Variants in ERBB4 observed in about 807,000 individuals in gnomAD.
ERBB4 encodes erb-b2 receptor tyrosine kinase 4.
A neutral mutation model predicts 158.0 loss-of-function variants in ERBB4; 42 were observed. That is an observed-to-expected ratio of 0.27 (90% CI 0.21 to 0.34). The LOEUF (loss-of-function observed/expected upper bound fraction) is 0.34, where lower values mean the gene tolerates loss of function less well. Ranked by LOEUF, ERBB4 falls within the 10% of genes least tolerant of loss-of-function variation. ERBB4 has a pLI of 1.00. For synonymous variants in ERBB4, 583 were observed against 558.7 expected (o/e 1.04, Z -0.61); for missense variants, 1,333 against 1,624.1 (o/e 0.82, Z 3.08).
Position 212,513,881 on chromosome 2 carries a change from C to A in ERBB4, c.82+24568G>T, listed in dbSNP as rs369004821. ...CAAAGACCATACAACTAGCAAGTCCCAAATCTGAAACTTGAACTCAGGTTT... is the reference window on the plus strand; with the variant it reads ...CAAAGACCATACAACTAGCAAGTCCAAAATCTGAAACTTGAACTCAGGTTT... On this transcript the variant is annotated intron_variant, in intron 1 of 27. Transcript: ENST00000342788. Among the ~76,000 whole-genome samples, 6 of 152,192 alleles carry A rather than the reference C, an allele frequency of 3.9e-5. No homozygotes were observed. The South Asian group carries it at 6.2e-4, about 16-fold the overall frequency.
At chr2:211,824,029 C>T (rs962704797) in intron 3 of ERBB4, among the ~76,000 whole-genome samples, 6 of 152,014 alleles carry the variant, frequency 3.9e-5, no homozygotes, top group Admixed American at 3.9e-4. Context: ...TTAGGCTCCC[C>T]GACTCTGTCC....
intron 3 of ERBB4, among the ~76,000 whole-genome samples, chr2:211,902,532 T>A (rs1443272864): frequency 1.3e-5 from 2 of 151,936 alleles, no homozygotes; most frequent in Non-Finnish European, 2.9e-5. Context: ...CTTTTCTATG[T>A]ATATGTAAGA....
chr2:212,256,017 T>TG (rs5838312), intron 1 of ERBB4, among the ~76,000 whole-genome samples: 47,683 of 141,520 alleles, frequency 0.34, 9,504 homozygotes, highest in East Asian at 0.7. Context: ...TTTTTACAAA[T>TG]GGGGGGGGGT....
chr2:211,395,882 A>C (rs1251192077), intron 25 of ERBB4, among the ~76,000 whole-genome samples: 1 of 152,054 alleles, frequency 6.6e-6, no homozygotes, highest in Non-Finnish European at 1.5e-5. Context: ...CATAATATTT[A>C]TATCTGCTAC....
chr2:211,467,358 G>A (rs2064719856), intron 20 of ERBB4, among the ~76,000 whole-genome samples: 1 of 152,122 alleles, frequency 6.6e-6, no homozygotes, highest in Non-Finnish European at 1.5e-5. Flanking sequence ...CTGGGTTGTT[G>A]CAACCTTTAG....
chr2:211,392,111 T>G (rs2062810597), intron 25 of ERBB4, among the ~76,000 whole-genome samples: 1 of 152,202 alleles, frequency 6.6e-6, no homozygotes, highest in Non-Finnish European at 1.5e-5. Context: ...TATTAAAGGT[T>G]CTCAACCTTT....
At chr2:212,363,832 C>T (rs1052514439) in intron 1 of ERBB4, among the ~76,000 whole-genome samples, 4 of 151,574 alleles carry the variant, frequency 2.6e-5, no homozygotes, top group African/African-American at 9.7e-5. Flanking sequence ...ATTTACAAAA[C>T]TTTTAAGAAC....
intron 1 of ERBB4, among the ~76,000 whole-genome samples, chr2:212,381,403 G>T (rs1055444705): frequency 6.6e-6 from 1 of 151,292 alleles, no homozygotes; most frequent in Non-Finnish European, 1.5e-5. Flanking sequence ...TTTCCAGACT[G>T]TCTTGTGTGG....
chr2:211,714,534 G>A (rs575987554), intron 7 of ERBB4, among the ~76,000 whole-genome samples: 2 of 152,254 alleles, frequency 1.3e-5, no homozygotes, highest in East Asian at 3.9e-4. Context: ...CTATGATATT[G>A]GAAGCATCTA....
At chr2:211,936,703 A>G (rs2080332510) in intron 3 of ERBB4, among the ~76,000 whole-genome samples, 1 of 152,146 alleles carries the variant, frequency 6.6e-6, no homozygotes, top group Non-Finnish European at 1.5e-5. Flanking sequence ...AAGTTTAAGA[A>G]AAACTCCCAA....
At chr2:211,678,288 A>G (rs1428672409) in intron 13 of ERBB4, among the ~76,000 whole-genome samples, 2 of 23,592 alleles carry the variant, frequency 8.5e-5, no homozygotes, top group African/African-American at 3.0e-4. Context: ...GTGAGTAGAA[A>G]AAACAAACAA....
chr2:212,416,681 G>A (rs1291349059), intron 1 of ERBB4, among the ~76,000 whole-genome samples: 1 of 151,936 alleles, frequency 6.6e-6, no homozygotes, highest in Non-Finnish European at 1.5e-5. Context: ...TATTAGCACT[G>A]CAGTACATTA....
intron 1 of ERBB4, among the ~76,000 whole-genome samples, chr2:212,141,935 T>C (rs2080492405): frequency 6.6e-6 from 1 of 152,144 alleles, no homozygotes. Context: ...TGGTTTCTCA[T>C]ATCAATCAGA....
chr2:212,362,695 T>A (rs1461952290), intron 1 of ERBB4, among the ~76,000 whole-genome samples: 1 of 146,134 alleles, frequency 6.8e-6, no homozygotes, highest in Non-Finnish European at 1.5e-5. Flanking sequence ...GCCAGCACTA[T>A]CTTTATAAAA....
At chr2:212,179,555 G>C (rs1291564924) in intron 1 of ERBB4, among the ~76,000 whole-genome samples, 1 of 151,540 alleles carries the variant, frequency 6.6e-6, no homozygotes, top group African/African-American at 2.4e-5. Context: ...ACCATGGGTT[G>C]TTGGGTGTGA....
chr2:211,436,927 C>T (rs1036959434), intron 20 of ERBB4, among the ~76,000 whole-genome samples: 6 of 152,174 alleles, frequency 3.9e-5, no homozygotes, highest in African/African-American at 7.2e-5. Context: ...ATAAAGGTCA[C>T]GAATAAAATA....
intron 19 of ERBB4, among the ~76,000 whole-genome samples, chr2:211,604,382 C>G (rs1192465356): frequency 1.3e-5 from 2 of 152,180 alleles, no homozygotes; most frequent in African/African-American, 4.8e-5. Flanking sequence ...AATTATGCCA[C>G]TGTTCCTTAT....
chr2:211,646,755 A>C (rs577388033), intron 16 of ERBB4, among the ~76,000 whole-genome samples: 130 of 151,790 alleles, frequency 8.6e-4, no homozygotes, highest in Middle Eastern at 6.8e-3. Context: ...GATTCTGATT[A>C]TGTATTTAAC....
At chr2:212,315,891 T>C (rs1203173452) in intron 1 of ERBB4, among the ~76,000 whole-genome samples, 1 of 151,518 alleles carries the variant, frequency 6.6e-6, no homozygotes, top group Non-Finnish European at 1.5e-5. Context: ...AGAAGACATA[T>C]GTACATTACA....
Sources: allele counts gnomAD v4.1 joint callset (sites outside exome capture counted in the v4.1 genomes callset), GRCh38; gene constraint gnomAD v4.1.1; transcripts MANE v1.5; gene names NCBI Gene and HGNC (gene_info 2026-07-23, HGNC 2026-07-21).